CPVL: variants seen among roughly 807,000 people sequenced by gnomAD.
The protein encoded by CPVL is probable serine carboxypeptidase CPVL.
Under a neutral mutation model 63.7 loss-of-function variants are expected in CPVL, and 51 were observed. The ratio of observed to expected loss-of-function variants is 0.80; its 90% CI spans 0.64 to 1.01. The LOEUF (loss-of-function observed/expected upper bound fraction) is 1.01, where lower values mean the gene tolerates loss of function less well. Ranked by LOEUF, CPVL falls within the 50% of genes least tolerant of loss-of-function variation. The pLI, the probability that CPVL is intolerant of heterozygous loss-of-function variation, is 0.00. For missense variants in CPVL, 530 were observed against 573.1 expected, an observed-to-expected ratio of 0.92 and a Z score of 0.77; for synonymous variants, 195 against 206.0, an observed-to-expected ratio of 0.95 and a Z score of 0.46.
chr7:29,153,613 A>G (rs558415251), intron 5 of CPVL, among the ~76,000 whole-genome samples: 2 of 152,202 alleles, frequency 1.3e-5, no homozygotes, highest in Non-Finnish European at 2.9e-5. Flanking sequence ...ACTTTTGCCC[A>G]GGCTGAAGTG....
intron 12 of CPVL, among the ~76,000 whole-genome samples, chr7:29,021,336 C>A (rs763063111): frequency 3.3e-5 from 5 of 151,854 alleles, no homozygotes; most frequent in Non-Finnish European, 7.4e-5. Flanking sequence ...AATTGAAAAC[C>A]CTCCGTTGGA....
intron 5 of CPVL, among the ~76,000 whole-genome samples, chr7:29,093,341 C>CATT (rs1786027753): frequency 7.5e-6 from 1 of 134,090 alleles, no homozygotes; most frequent in Non-Finnish European, 1.5e-5. Flanking sequence ...CATGCCACTG[C>CATT]ATTCCAGCCT....
intron 1 of CPVL, chr7:29,191,963 T>C (rs1455774203): frequency 6.6e-6 from 1 of 152,228 alleles, no homozygotes; most frequent in East Asian, 1.9e-4. Context: ...CTCCTGAATC[T>C]AAGAAGGATG....
At chr7:29,062,590 G>A (rs1156748580) in intron 11 of CPVL, among the ~76,000 whole-genome samples, 1 of 152,178 alleles carries the variant, frequency 6.6e-6, no homozygotes, top group African/African-American at 2.4e-5. Flanking sequence ...CCAGAAATGG[G>A]CCTCCTAGGT....
intron 12 of CPVL, among the ~76,000 whole-genome samples, chr7:29,028,958 C>A (rs1361054299): frequency 1.5e-5 from 2 of 131,968 alleles, no homozygotes; most frequent in Non-Finnish European, 3.2e-5. Context: ...CAGAGCAAGA[C>A]TCCATCTCAA....
At chr7:29,135,035 T>A (rs1343435891) in intron 1 of CPVL, among the ~76,000 whole-genome samples, 1 of 145,496 alleles carries the variant, frequency 6.9e-6, no homozygotes, top group Admixed American at 7.0e-5. Flanking sequence ...CCCCAGGAGG[T>A]CAAGGCTCCA....
chr7:29,092,787 A>T, intron 5 of CPVL, 85 bp from the exon 6 acceptor site: 1 of 965,172 alleles, frequency 1.0e-6, no homozygotes, highest in Non-Finnish European at 1.6e-6. Flanking sequence ...CTGGAAGGTG[A>T]CCTTGTTCCA....
Position 29,110,856 on chromosome 7 carries a change from A to G in CPVL, c.288+1848T>C, listed in dbSNP as rs181884458. On this transcript the variant is annotated intron_variant, in intron 3 of 12. Coordinates refer to ENST00000265394, the MANE Select transcript of CPVL (RefSeq NM_031311.5). ...TTAGAAGACAGAGGTAGAAGACAAG[A>G]GTCAGAGAAGGAAACATGACCATGG... 1.1e-4 allele frequency among the ~76,000 whole-genome samples: 16 copies of G among 152,336 alleles called. No individual in the cohort carries two copies. In the East Asian group the frequency reaches 3.1e-3, roughly 29 times the overall value.
intron 3 of CPVL, among the ~76,000 whole-genome samples, chr7:29,102,732 T>C (rs1787279505): frequency 6.6e-6 from 1 of 152,134 alleles, no homozygotes; most frequent in Admixed American, 6.5e-5. Context: ...CCCTTTCGAT[T>C]CTTCTGGCGA....
At chr7:29,168,354 C>A (rs2128721243) in intron 5 of CPVL, among the ~76,000 whole-genome samples, 1 of 152,068 alleles carries the variant, frequency 6.6e-6, no homozygotes, top group African/African-American at 2.4e-5. Flanking sequence ...TTTGGTTTTT[C>A]TTTTAATGGT....
intron 3 of CPVL, among the ~76,000 whole-genome samples, chr7:29,107,405 T>C (rs765113785): frequency 2.0e-5 from 3 of 152,224 alleles, no homozygotes; most frequent in Non-Finnish European, 4.4e-5. Context: ...TACTTAACTA[T>C]AGAACCACAG....
intron 12 of CPVL, among the ~76,000 whole-genome samples, chr7:29,005,105 C>T (rs3913313): frequency 0.19 from 28,244 of 151,424 alleles, 2,871 homozygotes; most frequent in East Asian, 0.27. Context: ...TCACCATGTT[C>T]CCCAGGCTGG....
intron 12 of CPVL, chr7:29,012,304 G>C (rs1485183945): frequency 6.6e-6 from 1 of 152,112 alleles, no homozygotes; most frequent in Non-Finnish European, 1.5e-5. Context: ...GACAGTGCTT[G>C]GTAGTTTTTT....
chr7:29,022,787 C>T (rs1447733907), intron 12 of CPVL, among the ~76,000 whole-genome samples: 1 of 152,204 alleles, frequency 6.6e-6, no homozygotes, highest in East Asian at 1.9e-4. Flanking sequence ...GGGCATTGTC[C>T]AGAGGCCTGG....
chr7:29,009,439 G>C (rs1385813366), intron 12 of CPVL: 1 of 152,096 alleles, frequency 6.6e-6, no homozygotes, highest in Non-Finnish European at 1.5e-5. Flanking sequence ...AAGGAGATAT[G>C]TGCAAAAATG....
At chr7:29,032,607 C>G (rs1788134726) in intron 11 of CPVL, among the ~76,000 whole-genome samples, 1 of 152,168 alleles carries the variant, frequency 6.6e-6, no homozygotes, top group South Asian at 2.1e-4. Flanking sequence ...CACCATTCTA[C>G]GAAGACCTGA....
chr7:29,174,139 C>T lies in CPVL; in HGVS notation c.-11+7151G>A, dbSNP rs35313957. Among the ~76,000 whole-genome samples the T allele has an allele frequency of 5.3e-3, 811 of 151,912 alleles. 6 individuals are homozygous for T. The highest frequency in any genetic ancestry group is 0.034 in the Middle Eastern group (10 of 294). On this transcript the variant is annotated intron_variant, in intron 5 of 16. Transcript: ENST00000409850. ...GGGCAAAAGGCTGGAGAGACCCCCC[C>T]GTTTGGTGGCACAGGATGCAGGAGG... is the stretch of plus-strand genomic sequence containing the variant.
At chr7:29,160,765 G>A (rs766753793) in intron 5 of CPVL, among the ~76,000 whole-genome samples, 10 of 152,140 alleles carry the variant, frequency 6.6e-5, no homozygotes, top group Non-Finnish European at 1.2e-4. Context: ...AAGAGCCTGG[G>A]CTCTTAATGA....
At chr7:29,173,803 T>C (rs964459320) in intron 5 of CPVL, among the ~76,000 whole-genome samples, 1 of 148,534 alleles carries the variant, frequency 6.7e-6, no homozygotes, top group Admixed American at 6.7e-5. Flanking sequence ...TAGTCGAGTG[T>C]GGTGGTTCAT....
Sources: allele counts gnomAD v4.1 joint callset (sites outside exome capture counted in the v4.1 genomes callset), GRCh38; gene constraint gnomAD v4.1.1; transcripts MANE v1.5; gene names NCBI Gene and HGNC (gene_info 2026-07-23, HGNC 2026-07-21).